CPA6: variants seen among roughly 807,000 people sequenced by gnomAD.
CPA6 encodes carboxypeptidase B.
Under a neutral mutation model 63.3 loss-of-function variants are expected in CPA6, and 58 were observed. That is an observed-to-expected ratio of 0.92 (90% CI 0.74 to 1.14). The LOEUF is 1.14. Ranked by LOEUF, CPA6 falls within the 50% of genes most tolerant of loss-of-function variation. The pLI, the probability that CPA6 is intolerant of heterozygous loss-of-function variation, is 0.00. For synonymous variants in CPA6, 185 were observed against 179.0 expected (o/e 1.03, Z -0.27); for missense variants, 565 against 526.6 (o/e 1.07, Z -0.71).
chr8:67,486,539 G>T (rs555030741), intron 6 of CPA6, among the ~76,000 whole-genome samples: 1 of 152,124 alleles, frequency 6.6e-6, no homozygotes, highest in Non-Finnish European at 1.5e-5. Context: ...ACATATCCTC[G>T]TTTTCAAGCA....
chr8:67,650,740 T>G (rs1319004188), intron 1 of CPA6, among the ~76,000 whole-genome samples: 1 of 152,140 alleles, frequency 6.6e-6, no homozygotes, highest in Non-Finnish European at 1.5e-5. Context: ...GATGTTCATA[T>G]ATAAAAATCA....
intron 1 of CPA6, chr8:67,732,660 G>A (rs1817728658): frequency 6.6e-6 from 1 of 152,452 alleles, no homozygotes; most frequent in African/African-American, 2.4e-5. Context: ...ACTCGCGCTG[G>A]AGGAGGTAAG....
chr8:67,564,568 C>G (rs1471577540), intron 2 of CPA6, among the ~76,000 whole-genome samples: 2 of 152,100 alleles, frequency 1.3e-5, no homozygotes, highest in Admixed American at 6.6e-5. Context: ...AAGAGCAGTA[C>G]AGAGCTGAAT....
chr8:67,534,939 C>A (rs543363928), intron 2 of CPA6, among the ~76,000 whole-genome samples: 1 of 149,002 alleles, frequency 6.7e-6, no homozygotes, highest in South Asian at 2.2e-4. Context: ...CATTATTCAA[C>A]TCCCACTTAT....
intron 6 of CPA6, among the ~76,000 whole-genome samples, chr8:67,491,303 C>T (rs1587487245): frequency 7.7e-6 from 1 of 130,600 alleles, no homozygotes; most frequent in African/African-American, 2.8e-5. Flanking sequence ...TCATTAAATA[C>T]AAAATGGTCA....
At chr8:67,649,598 T>C (rs1226088799) in intron 1 of CPA6, among the ~76,000 whole-genome samples, 1 of 152,226 alleles carries the variant, frequency 6.6e-6, no homozygotes. Flanking sequence ...CAATGATTAT[T>C]TGTATATACA....
chr8:67,512,112 A>G (rs146070822), intron 3 of CPA6, among the ~76,000 whole-genome samples: 1 of 152,344 alleles, frequency 6.6e-6, no homozygotes, highest in African/African-American at 2.4e-5. Flanking sequence ...GAACTCACCA[A>G]TATCCCTCTA....
At chr8:67,602,137 G>T (rs1186322289) in intron 2 of CPA6, among the ~76,000 whole-genome samples, 2 of 152,066 alleles carry the variant, frequency 1.3e-5, no homozygotes, top group African/African-American at 4.8e-5. Context: ...TATGAAAAAA[G>T]GGAGAAGACA....
At chr8:67,469,767 T>C (rs1430545660) in intron 8 of CPA6, among the ~76,000 whole-genome samples, 1 of 152,238 alleles carries the variant, frequency 6.6e-6, no homozygotes, top group East Asian at 1.9e-4. Context: ...TCTGTAATTG[T>C]GTGAACCAAT....
chr8:67,449,582 C>T (rs889143232), intron 8 of CPA6, among the ~76,000 whole-genome samples: 5 of 152,210 alleles, frequency 3.3e-5, no homozygotes, highest in African/African-American at 4.8e-5. Flanking sequence ...TATATTGAGT[C>T]GTCCTATCCA....
At chr8:67,536,019 G>A (rs1484931762) in intron 2 of CPA6, among the ~76,000 whole-genome samples, 2 of 152,144 alleles carry the variant, frequency 1.3e-5, no homozygotes, top group Admixed American at 6.5e-5. Flanking sequence ...GGTTGTAGAT[G>A]TGTGGTGTTA....
chr8:67,728,036 C>T (rs1196098963), intron 1 of CPA6, among the ~76,000 whole-genome samples: 2 of 148,968 alleles, frequency 1.3e-5, no homozygotes, highest in Non-Finnish European at 3.0e-5. Context: ...CGAGATAGCA[C>T]TACAGCACTC....
chr8:67,678,225 T>TCACACA (rs200034998), intron 1 of CPA6, among the ~76,000 whole-genome samples: 6,142 of 142,866 alleles, frequency 0.043, 168 homozygotes, highest in African/African-American at 0.082. Context: ...TAAAACTCTG[T>TCACACA]CTCACACACA....
At chr8:67,490,360 C>T (rs1264019855) in intron 6 of CPA6, among the ~76,000 whole-genome samples, 1 of 152,132 alleles carries the variant, frequency 6.6e-6, no homozygotes, top group Non-Finnish European at 1.5e-5. Context: ...AATCAAGTTG[C>T]ATCTGGACCT....
intron 1 of CPA6, among the ~76,000 whole-genome samples, chr8:67,714,885 C>G (rs1817345893): frequency 6.6e-6 from 1 of 152,102 alleles, no homozygotes; most frequent in African/African-American, 2.4e-5. Flanking sequence ...CTTATAGTGT[C>G]ATTTGAGAAT....
intron 6 of CPA6, among the ~76,000 whole-genome samples, chr8:67,505,397 G>A (rs533380326): frequency 2.6e-5 from 4 of 152,322 alleles, no homozygotes; most frequent in East Asian, 3.9e-4. Flanking sequence ...AAAAGATTGC[G>A]TATGTTGGGG....
intron 1 of CPA6, among the ~76,000 whole-genome samples, chr8:67,703,812 T>G (rs1452018787): frequency 1.3e-5 from 2 of 152,220 alleles, no homozygotes; most frequent in Non-Finnish European, 2.9e-5. Flanking sequence ...TCCATACACT[T>G]TTATTTTCAT....
intron 1 of CPA6, among the ~76,000 whole-genome samples, chr8:67,639,123 G>A (rs1188341006): frequency 6.6e-6 from 1 of 151,626 alleles, no homozygotes; most frequent in African/African-American, 2.4e-5. Flanking sequence ...TGTTGAAATT[G>A]TCAGATAGTG....
chr8:67,651,796 G>C (rs996556682), intron 1 of CPA6, among the ~76,000 whole-genome samples: 3 of 151,928 alleles, frequency 2.0e-5, no homozygotes, highest in Middle Eastern at 3.2e-3. Flanking sequence ...CATTGTGCAG[G>C]TTAGTTACAT....
Sources: allele counts gnomAD v4.1 joint callset (sites outside exome capture counted in the v4.1 genomes callset), GRCh38; gene constraint gnomAD v4.1.1; transcripts MANE v1.5; gene names NCBI Gene and HGNC (gene_info 2026-07-23, HGNC 2026-07-21).